The following BCLAF1 variants were observed in gnomAD, a reference collection of about 807,000 sequenced individuals.
BCLAF1 encodes bcl-2-associated transcription factor 1.
A neutral mutation model predicts 99.5 loss-of-function variants in BCLAF1; 10 were observed. The observed-to-expected ratio is 0.10, with a 90% confidence interval of 0.06 to 0.17. The LOEUF (loss-of-function observed/expected upper bound fraction) is 0.17. BCLAF1 is among the 10% of genes least tolerant of loss of function. The pLI is 1.00. For missense variants in BCLAF1, 636 were observed against 1,105.8 expected (o/e 0.58, Z 6.02); for synonymous variants, 255 against 370.9 (o/e 0.69, Z 3.59).
Position 136,269,440 on chromosome 6 carries a change from T to G in BCLAF1, c.2216A>C (p.Asp739Ala). 6.2e-7 allele frequency: 1 copy of G among 1,605,604 alleles called. No individual in the cohort carries two copies. The highest frequency in any genetic ancestry group is 8.5e-7 in the Non-Finnish European group (1 of 1,176,768). The change falls in exon 9 of 13, where the codon GAC becomes GCC. Residue 739 changes from aspartate to alanine, a missense_variant. Asp to Ala is a moderately radical substitution (Grantham distance 126, BLOSUM62 -2). Around this residue, in one of 9 missense-constraint regions of BCLAF1, gnomAD observed 180 missense variants for 270.0 expected, o/e 0.67. Transcript: ENST00000531224. ...DYKEYKSYKD[D>A]SKHKREQDHS... ...CTTAGTCAGTTTGAACAATTACCTG[T>G]CATCTTTGTAAGATTTGTATTCCTT...
intron 6 of BCLAF1, among the ~76,000 whole-genome samples, chr6:136,275,057 CAA>C (rs966526697): frequency 1.2e-4 from 18 of 151,584 alleles, no homozygotes; most frequent in Non-Finnish European, 2.9e-5. Flanking sequence ...AAATTAAGCG[CAA>C]AAAAAGTGTT....
intron 7 of BCLAF1, among the ~76,000 whole-genome samples, chr6:136,272,488 T>C (rs985535145): frequency 6.6e-6 from 1 of 151,978 alleles, no homozygotes; most frequent in African/African-American, 2.4e-5. Flanking sequence ...TAAGTCAGTA[T>C]TGGCTGCAAC....
intron 10 of BCLAF1, 128 bp from the exon 11 acceptor site, chr6:136,267,303 A>G (rs930061375): frequency 1.7e-5 from 18 of 1,080,922 alleles, no homozygotes; most frequent in Non-Finnish European, 2.1e-5. Flanking sequence ...ATGGCCATTG[A>G]GGATGAAAAG....
rs550070934 is a variant in BCLAF1, at chr6:136,263,813, T to C, written c.2545-2336A>G. On this transcript the variant is annotated intron_variant, in intron 11 of 12. Coordinates refer to ENST00000531224, the MANE Select transcript of BCLAF1 (RefSeq NM_014739.3). ...CCAACTCTTCACACTCACCCCTCCA[T>C]AGAATTTCAGGTTCTAACTAAAACT... Among the ~76,000 whole-genome samples the C allele has an allele frequency of 1.2e-4, 18 of 152,294 alleles. No homozygotes were observed. The South Asian group carries it at 1.2e-3, about 11-fold the overall frequency.
chr6:136,269,410 C>A (rs938264747), intron 9 of BCLAF1, 27 bp downstream of exon 9: 5 of 1,593,024 alleles, frequency 3.1e-6, no homozygotes, highest in Non-Finnish European at 4.3e-6. Flanking sequence ...GAAGCTAAAA[C>A]CTATCTTAGT....
intron 1 of BCLAF1, 65 bp from the exon 2 acceptor site, chr6:136,282,752 C>T (rs1784546221): frequency 2.0e-5 from 3 of 152,084 alleles, no homozygotes; most frequent in Admixed American, 2.0e-4. Context: ...ATTTACAATG[C>T]ATATAATGGG....
Position 136,260,410 on chromosome 6 carries a change from C to T in BCLAF1, c.*700G>A, listed in dbSNP as rs914622734. On this transcript the variant is annotated 3_prime_UTR_variant, in exon 13 of 13. Coordinates refer to ENST00000531224, the MANE Select transcript of BCLAF1 (RefSeq NM_014739.3). ...TAGAAAGAGAACACACAGTTTTGAACGCAAATAGAAAAGGCTCCTAAGAAT... is the reference window on the plus strand; with the variant it reads ...TAGAAAGAGAACACACAGTTTTGAATGCAAATAGAAAAGGCTCCTAAGAAT... 9 of 151,980 alleles carry T rather than the reference C, an allele frequency of 5.9e-5. No homozygotes were observed. The highest frequency in any genetic ancestry group is 9.7e-5 in the African/African-American group (4 of 41,402). The allele number at this position is 151,980 out of a possible 1,614,324, so 9.4% of individuals were successfully genotyped here.
chr6:136,288,714 T>C (rs1466856744), intron 1 of BCLAF1, among the ~76,000 whole-genome samples: 4 of 152,224 alleles, frequency 2.6e-5, no homozygotes, highest in Non-Finnish European at 4.4e-5. Context: ...GTACTTCAGC[T>C]TGATTCTGAA....
At chr6:136,262,270 G>A (rs1280495648) in intron 11 of BCLAF1, among the ~76,000 whole-genome samples, 3 of 152,106 alleles carry the variant, frequency 2.0e-5, no homozygotes, top group Non-Finnish European at 4.4e-5. Context: ...AGGGAGTCCT[G>A]TATGTAATTT....
rs768956468 is a variant in BCLAF1 at position 136,277,880 on chromosome 6, C to G, written c.1001G>C (p.Gly334Ala). ...TAGTTTTTACCTTTTTAAGAACTTC[C>G]CAGTCTTTGCAGTTTCCTGATCTCC... ...DGGDQETAKT[G>A]KFLKRFTDEE... The change falls in exon 4 of 13, where the codon GGG becomes GCG. Residue 334 changes from glycine to alanine, a missense_variant. This residue lies in a region of BCLAF1 where 186 missense variants were observed against 275.3 expected (regional missense o/e 0.68). Transcript: ENST00000531224. The G allele has an allele frequency of 3.1e-6, 5 of 1,603,430 alleles. No individual in the cohort carries two copies. In the Admixed American group the frequency reaches 5.2e-5, roughly 17 times the overall value.
chr6:136,279,252 A>G (rs1240701913), intron 3 of BCLAF1, among the ~76,000 whole-genome samples: 3 of 152,142 alleles, frequency 2.0e-5, no homozygotes, highest in African/African-American at 4.8e-5. Context: ...ATCAACTACT[A>G]TTAATTCTTA....
Position 136,258,068 on chromosome 6 carries a change from GA to G in BCLAF1, c.*3041del, listed in dbSNP as rs1388825573. 2.0e-5 allele frequency: 3 copies of G among 152,082 alleles called. No individual in the cohort carries two copies. Among genetic ancestry groups the G allele is most frequent in the African/African-American group, 7.2e-5 (3 of 41,446 alleles). 9.4% of individuals were successfully genotyped at this position (152,082 alleles called of 1,614,324 possible). On this transcript the variant is annotated 3_prime_UTR_variant, in exon 13 of 13. Coordinates refer to ENST00000531224, the MANE Select transcript of BCLAF1 (RefSeq NM_014739.3). ...TTAAGGACTAATTTGCCATTTGTAT[GA>G]GTCAAAATGTGTCAGTTTGTCTTAG...
chr6:136,278,627 C>T lies in BCLAF1; in HGVS notation c.254G>A (p.Gly85Glu). The change falls in exon 4 of 13, where the codon GGA (glycine) becomes GAA (glutamate). Residue 85 changes from glycine to glutamate, a missense_variant. Physicochemically the swap from Gly to Glu is moderately conservative, Grantham distance 98. Around this residue, in one of 9 missense-constraint regions of BCLAF1, gnomAD observed 81 missense variants for 132.5 expected, o/e 0.61. Transcript: ENST00000531224. Reference protein sequence around the residue: ...GRGRGYYQGGGGRYHRGGYRP... With the variant: ...GRGRGYYQGGEGRYHRGGYRP... ...ATAACCACCTCGATGATATCTACCT[C>T]CTCCTCCTTGATAATACCCTCTACC... The T allele has an allele frequency of 6.2e-7, 1 of 1,612,808 alleles. No homozygotes were observed. The highest frequency in any genetic ancestry group is 8.5e-7 in the Non-Finnish European group (1 of 1,179,744).
chr6:136,278,994 A>AACACACACACACAC (rs71006795), intron 3 of BCLAF1, among the ~76,000 whole-genome samples: 1,482 of 145,474 alleles, frequency 0.01, 14 homozygotes, highest in South Asian at 0.011. Context: ...GAAGGCACAA[A>AACACACACACACAC]ACACACACAC....
chr6:136,275,825 G>A lies in BCLAF1; in HGVS notation c.1682+18C>T. 1.9e-6 allele frequency: 3 copies of A among 1,601,680 alleles called. No homozygotes were observed. The highest frequency in any genetic ancestry group is 3.4e-5 in the Admixed American group (2 of 58,528). On this transcript the variant is annotated intron_variant, in intron 5 of 12. Transcript: ENST00000531224. Reference sequence around the variant, plus strand: ...TGACTGCCCACAGATTATTTACTGGGCATCAATATGGAATTACCTGTTAGA... The same window carrying A: ...TGACTGCCCACAGATTATTTACTGGACATCAATATGGAATTACCTGTTAGA...
chr6:136,279,252 AT>A (rs1784035691), intron 3 of BCLAF1, among the ~76,000 whole-genome samples: 1 of 152,142 alleles, frequency 6.6e-6, no homozygotes. Context: ...ATCAACTACT[AT>A]TAATTCTTAA....
intron 4 of BCLAF1, 24 bp downstream of exon 4, chr6:136,277,841 T>C: frequency 1.3e-6 from 2 of 1,595,126 alleles, no homozygotes; most frequent in East Asian, 4.5e-5. Context: ...TATTATAATC[T>C]AGATTCTGTA....
rs1042422940 is a variant in BCLAF1 at position 136,257,367 on chromosome 6, C to T, written c.*3743G>A. 1 of 152,152 alleles carries T rather than the reference C, an allele frequency of 6.6e-6. No individual in the cohort carries two copies. Among genetic ancestry groups the T allele is most frequent in the Admixed American group, 6.5e-5 (1 of 15,268 alleles). 9.4% of individuals were successfully genotyped at this position (152,152 alleles called of 1,614,324 possible). A position where few individuals can be genotyped will look rare whatever the true frequency, so the allele number is the denominator to read the frequency against. On this transcript the variant is annotated 3_prime_UTR_variant, in exon 13 of 13. Transcript: ENST00000531224. ...GTATAGTCTAGTAACATAAAAAGAA[C>T]TGGTACCCTTAATTAAATGTACAAG...
intron 12 of BCLAF1, 63 bp downstream of exon 12, chr6:136,261,199 AAAT>A: frequency 1.3e-6 from 2 of 1,569,342 alleles, no homozygotes; most frequent in South Asian, 1.2e-5. Flanking sequence ...CCTAAAAATG[AAAT>A]AATTCACCCA....
Sources: gnomAD v4.1 joint callset for allele counts (sites outside exome capture counted in the v4.1 genomes callset) on GRCh38, gnomAD v4.1.1 for gene constraint, gnomAD v4.1.1 regional missense constraint, MANE v1.5 for transcripts, NCBI Gene and HGNC (gene_info 2026-07-23, HGNC 2026-07-21) for gene names.